The following PPA2 variants were observed in gnomAD, a reference collection of about 807,000 sequenced individuals.
The protein encoded by PPA2 is inorganic pyrophosphatase 2, mitochondrial.
PPA2 carries 48 observed loss-of-function variants against 49.5 expected under a neutral mutation model. The ratio of observed to expected loss-of-function variants is 0.97; its 90% CI spans 0.77 to 1.23. The LOEUF (loss-of-function observed/expected upper bound fraction) is 1.23. Among genes scored for constraint, PPA2 ranks in the 50% most tolerant of loss-of-function variants. The pLI is 0.00. For synonymous variants in PPA2, 131 were observed against 139.9 expected, an observed-to-expected ratio of 0.94 and a Z score of 0.45; for missense variants, 429 against 410.1, an observed-to-expected ratio of 1.05 and a Z score of -0.40.
intron 8 of PPA2, among the ~76,000 whole-genome samples, chr4:105,397,674 G>A (rs1734203533): frequency 6.6e-6 from 1 of 152,086 alleles, no homozygotes; most frequent in Non-Finnish European, 1.5e-5. Context: ...GAATGGCTTG[G>A]TGCCTCCTCA....
chr4:105,465,477 A>C (rs1723264074), intron 1 of PPA2, among the ~76,000 whole-genome samples: 1 of 152,058 alleles, frequency 6.6e-6, no homozygotes, highest in South Asian at 2.1e-4. Context: ...TCCAGTGTAG[A>C]TCTATCATTT....
chr4:105,419,955 C>T (rs1234869933), intron 7 of PPA2, among the ~76,000 whole-genome samples: 1 of 147,920 alleles, frequency 6.8e-6, no homozygotes. Flanking sequence ...CTTTTTCTTT[C>T]TTTTTTTTTT....
At chr4:105,439,507 A>G (rs1231361484) in intron 5 of PPA2, among the ~76,000 whole-genome samples, 3 of 152,128 alleles carry the variant, frequency 2.0e-5, no homozygotes, top group Non-Finnish European at 4.4e-5. Context: ...ATTCATTCAT[A>G]CAGTAAAACA....
At chr4:105,388,890 A>G (rs995602208) in intron 9 of PPA2, among the ~76,000 whole-genome samples, 2 of 152,104 alleles carry the variant, frequency 1.3e-5, no homozygotes, top group South Asian at 2.1e-4. Context: ...GCAAGCACAT[A>G]CAAATGAACT....
intron 3 of PPA2, among the ~76,000 whole-genome samples, chr4:105,450,375 CTT>C (rs890656208): frequency 1.5e-4 from 21 of 142,298 alleles, no homozygotes; most frequent in African/African-American, 2.6e-4. Context: ...TTACACTTTC[CTT>C]TTTTTTTTTT....
rs79599681 is a variant in PPA2, at chr4:105,373,392, A to G, written c.940-2519T>C. Reference sequence around the variant, plus strand: ...AACCTGCTTATTCTATGAAATTGCTATATACTCCTTAAATTGTGCAGGATG... The same window carrying G: ...AACCTGCTTATTCTATGAAATTGCTGTATACTCCTTAAATTGTGCAGGATG... On this transcript the variant is annotated intron_variant, in intron 10 of 11. Transcript: ENST00000341695. Among the ~76,000 whole-genome samples the G allele has an allele frequency of 2.8e-3, 423 of 152,260 alleles. 5 individuals are homozygous for G. The highest frequency in any genetic ancestry group is 9.8e-3 in the African/African-American group (409 of 41,548).
At chr4:105,384,495 T>C (rs1318697272) in intron 10 of PPA2, among the ~76,000 whole-genome samples, 1 of 152,178 alleles carries the variant, frequency 6.6e-6, no homozygotes, top group Non-Finnish European at 1.5e-5. Flanking sequence ...CTCGCTAATT[T>C]TAAGACAAGT....
At chr4:105,456,399 C>T (rs1722877063) in intron 2 of PPA2, 4 of 425,680 alleles carry the variant, frequency 9.4e-6, no homozygotes, top group African/African-American at 4.1e-5. Context: ...TGTAAATAAA[C>T]CTCTTGGTAA....
At chr4:105,469,827 C>T (rs1365529944) in intron 1 of PPA2, among the ~76,000 whole-genome samples, 1 of 152,152 alleles carries the variant, frequency 6.6e-6, no homozygotes, top group African/African-American at 2.4e-5. Context: ...GTTACAGAAA[C>T]TCATATTTAA....
chr4:105,449,475 TAAG>T, intron 3 of PPA2, 72 bp from the exon 4 acceptor site: 2 of 911,280 alleles, frequency 2.2e-6, no homozygotes, highest in Non-Finnish European at 3.4e-6. Context: ...ACCTCCCTTA[TAAG>T]AATACCTTAG....
chr4:105,413,838 C>T (rs1324090174), intron 7 of PPA2, among the ~76,000 whole-genome samples: 2 of 152,170 alleles, frequency 1.3e-5, no homozygotes, highest in East Asian at 3.9e-4. Flanking sequence ...AATCTTTAAA[C>T]AGGAATCAAA....
intron 8 of PPA2, among the ~76,000 whole-genome samples, chr4:105,397,370 T>A (rs1734190885): frequency 6.6e-6 from 1 of 152,156 alleles, no homozygotes; most frequent in Admixed American, 6.6e-5. Flanking sequence ...GGACAAGAAA[T>A]CTAATACATT....
At chr4:105,456,816 T>C in intron 1 of PPA2, 71 bp from the exon 2 acceptor site, 1 of 1,167,322 alleles carries the variant, frequency 8.6e-7, no homozygotes, top group East Asian at 2.7e-5. Context: ...ACAGCAATAA[T>C]AAACATCCTT....
At chr4:105,414,855 G>A (rs72668234) in intron 7 of PPA2, among the ~76,000 whole-genome samples, 4,372 of 152,242 alleles carry the variant, frequency 0.029, 84 homozygotes, top group Non-Finnish European at 0.045. Flanking sequence ...AATGGAGGGT[G>A]AGCAAGGCAA....
intron 3 of PPA2, among the ~76,000 whole-genome samples, chr4:105,450,901 C>T (rs1211008193): frequency 1.3e-5 from 2 of 152,144 alleles, no homozygotes; most frequent in South Asian, 2.1e-4. Context: ...GCCACCGCGC[C>T]CTGCCAACAC....
chr4:105,409,115 G>A (rs759667581), intron 7 of PPA2, among the ~76,000 whole-genome samples: 1 of 152,204 alleles, frequency 6.6e-6, no homozygotes, highest in Non-Finnish European at 1.5e-5. Context: ...CACCCGGGAA[G>A]CACAAGGGAT....
chr4:105,431,484 T>G (rs561532426), intron 6 of PPA2, among the ~76,000 whole-genome samples: 1 of 152,302 alleles, frequency 6.6e-6, no homozygotes, highest in South Asian at 2.1e-4. Context: ...CTGGAATCCT[T>G]GAATATTGTT....
chr4:105,471,790 G>A (rs2110337168), intron 1 of PPA2, among the ~76,000 whole-genome samples: 1 of 151,980 alleles, frequency 6.6e-6, no homozygotes, highest in Middle Eastern at 3.4e-3. Context: ...TTCAGAAATT[G>A]TTTAACCAAC....
chr4:105,388,492 T>C (rs1733770088), intron 9 of PPA2, among the ~76,000 whole-genome samples: 1 of 152,128 alleles, frequency 6.6e-6, no homozygotes, highest in African/African-American at 2.4e-5. Flanking sequence ...GTGGATATCT[T>C]GGGAAAGTAA....
Sources: allele counts gnomAD v4.1 joint callset (sites outside exome capture counted in the v4.1 genomes callset), GRCh38; gene constraint gnomAD v4.1.1; transcripts MANE v1.5; gene names NCBI Gene and HGNC (gene_info 2026-07-23, HGNC 2026-07-21).